EBF2: variants seen among roughly 807,000 people sequenced by gnomAD.
EBF2 encodes the protein EBF transcription factor 2.
EBF2 carries 21 observed loss-of-function variants against 72.8 expected under a neutral mutation model. The observed-to-expected ratio is 0.29, with a 90% CI of 0.20 to 0.42. The LOEUF is 0.42. EBF2 is among the 10% of genes least tolerant of loss of function. The pLI is 1.00. For synonymous variants in EBF2, 299 were observed against 274.2 expected (o/e 1.09, Z -0.89); for missense variants, 637 against 731.2 (o/e 0.87, Z 1.49).
intron 6 of EBF2, among the ~76,000 whole-genome samples, chr8:25,997,387 A>G (rs938154724): frequency 6.6e-6 from 1 of 152,162 alleles, no homozygotes; most frequent in Non-Finnish European, 1.5e-5. Context: ...CCTGGGCAAC[A>G]TAGCGAGACC....
intron 6 of EBF2, among the ~76,000 whole-genome samples, chr8:25,955,066 G>A (rs1282798290): frequency 6.6e-6 from 1 of 152,202 alleles, no homozygotes; most frequent in Non-Finnish European, 1.5e-5. Context: ...AGGAGGGCAC[G>A]GAGCGCATCC....
chr8:25,952,845 C>G (rs979997922), intron 6 of EBF2, among the ~76,000 whole-genome samples: 2 of 152,168 alleles, frequency 1.3e-5, no homozygotes, highest in Non-Finnish European at 2.9e-5. Flanking sequence ...TAGAATGAGG[C>G]TTTGGGGTTT....
At chr8:25,906,840 C>T (rs1803041719) in intron 7 of EBF2, among the ~76,000 whole-genome samples, 1 of 151,994 alleles carries the variant, frequency 6.6e-6, no homozygotes, top group Non-Finnish European at 1.5e-5. Context: ...AAAAAGTCTC[C>T]AACTTTTTAA....
chr8:25,843,289 G>A lies in EBF2; in HGVS notation c.*1320C>T, dbSNP rs1801769306. 6.6e-6 allele frequency: 1 copy of A among 152,178 alleles called. No homozygotes were observed. Among genetic ancestry groups the A allele is most frequent in the Non-Finnish European group, 1.5e-5 (1 of 68,050 alleles). 9.4% of individuals were successfully genotyped at this position (152,178 alleles called of 1,614,324 possible). ...CTCATTCTTGACTAGAAACTGTCGA[G>A]TGGCATAGCTATGTTTTTCAAGAGA... On this transcript the variant is annotated 3_prime_UTR_variant, in exon 16 of 16. Coordinates refer to ENST00000520164, the MANE Select transcript of EBF2 (RefSeq NM_022659.4).
intron 8 of EBF2, among the ~76,000 whole-genome samples, chr8:25,889,411 A>T (rs552245628): frequency 6.6e-6 from 1 of 152,168 alleles, no homozygotes; most frequent in Non-Finnish European, 1.5e-5. Flanking sequence ...TTAAGGGCAC[A>T]TGTGACACTT....
intron 6 of EBF2, among the ~76,000 whole-genome samples, chr8:25,980,227 T>C (rs918357717): frequency 6.6e-6 from 1 of 152,140 alleles, no homozygotes; most frequent in African/African-American, 2.4e-5. Context: ...CTGTTTTATT[T>C]TGAATTTTTG....
intron 15 of EBF2, 35 bp from the exon 16 acceptor site, chr8:25,844,675 G>A (rs751121693): frequency 2.5e-6 from 4 of 1,613,682 alleles, no homozygotes; most frequent in Non-Finnish European, 2.5e-6. Flanking sequence ...ATGAGACTTG[G>A]GGACTTTTTA....
intron 6 of EBF2, among the ~76,000 whole-genome samples, chr8:25,973,988 A>G (rs559698660): frequency 6.2e-4 from 94 of 152,276 alleles, no homozygotes; most frequent in African/African-American, 1.9e-3. Context: ...TAAGCTTTTC[A>G]TTTCTATTAG....
chr8:25,858,591 G>A (rs1314881857), intron 13 of EBF2, 87 bp from the exon 14 acceptor site: 2 of 1,305,526 alleles, frequency 1.5e-6, no homozygotes, highest in South Asian at 1.5e-5. Context: ...ATTGGCCCCA[G>A]ACTGCAGAAT....
chr8:25,974,934 G>A (rs962781570), intron 6 of EBF2, among the ~76,000 whole-genome samples: 3 of 152,086 alleles, frequency 2.0e-5, no homozygotes, highest in African/African-American at 7.2e-5. Flanking sequence ...TCAAGCTACC[G>A]GCTGCCCCGC....
At chr8:25,941,668 T>A (rs1037676080) in intron 6 of EBF2, among the ~76,000 whole-genome samples, 1 of 151,592 alleles carries the variant, frequency 6.6e-6, no homozygotes, top group South Asian at 2.1e-4. Flanking sequence ...TACGGAGGAG[T>A]GTGAAAGACA....
At chr8:25,948,412 G>A (rs1803806679) in intron 6 of EBF2, among the ~76,000 whole-genome samples, 1 of 152,192 alleles carries the variant, frequency 6.6e-6, no homozygotes, top group Non-Finnish European at 1.5e-5. Context: ...AAAGGAAGCA[G>A]AATAGCTCCT....
In EBF2 at chr8:25,886,841, C is replaced by A. The variant is rs1414125429; in HGVS notation, c.923G>T (p.Arg308Leu). Residue 308 changes from arginine to leucine, a missense_variant, in exon 10 of 16, where the codon CGG becomes CTG. Arg to Leu is a moderately radical substitution (Grantham distance 102, BLOSUM62 -2). This residue lies in a region of EBF2 where 204 missense variants were observed against 301.2 expected (regional missense o/e 0.68). Transcript: ENST00000520164. ...PHAIRVQTPPRHIPGVVEVTL... is the reference protein window; with the variant it reads ...PHAIRVQTPPLHIPGVVEVTL... Reference sequence around the variant, plus strand: ...CACCTCTACCACGCCTGGGATGTGCCGGGGAGGAGTCTGTACTCTGATGGC... The same window carrying A: ...CACCTCTACCACGCCTGGGATGTGCAGGGGAGGAGTCTGTACTCTGATGGC... 1 of 1,613,050 alleles carries A rather than the reference C, an allele frequency of 6.2e-7. No individual in the cohort carries two copies. Among genetic ancestry groups the A allele is most frequent in the Non-Finnish European group, 8.5e-7 (1 of 1,179,512 alleles).
intron 6 of EBF2, among the ~76,000 whole-genome samples, chr8:25,972,298 G>T (rs866049021): frequency 1.8e-4 from 27 of 152,270 alleles, no homozygotes; most frequent in Middle Eastern, 3.4e-3. Flanking sequence ...ACTAGGGATT[G>T]AGGGAGGCAC....
At chr8:25,914,262 T>G (rs1336527142) in intron 6 of EBF2, among the ~76,000 whole-genome samples, 1 of 152,202 alleles carries the variant, frequency 6.6e-6, no homozygotes, top group Non-Finnish European at 1.5e-5. Context: ...ACGGTGGTGT[T>G]CCAGTTGTAA....
intron 6 of EBF2, 26 bp from the exon 7 acceptor site, chr8:25,908,581 A>T (rs1585191524): frequency 2.8e-6 from 4 of 1,447,110 alleles, no homozygotes; most frequent in Non-Finnish European, 3.9e-6. Flanking sequence ...GATGTGTTAC[A>T]TTTTTCAGTA....
intron 5 of EBF2, 101 bp from the exon 6 acceptor site, chr8:26,033,254 G>C: frequency 8.7e-7 from 1 of 1,150,836 alleles, no homozygotes; most frequent in Non-Finnish European, 1.3e-6. Context: ...ACAGAGTCTG[G>C]CTCTGTCACC....
intron 10 of EBF2, among the ~76,000 whole-genome samples, chr8:25,879,422 G>A (rs1585272958): frequency 6.6e-6 from 1 of 152,144 alleles, no homozygotes; most frequent in African/African-American, 2.4e-5. Context: ...AAGTAGAATT[G>A]CTGGGTCAAA....
At chr8:25,866,576 AT>A (rs1179195309) in intron 10 of EBF2, among the ~76,000 whole-genome samples, 1 of 140,566 alleles carries the variant, frequency 7.1e-6, no homozygotes, top group Non-Finnish European at 1.5e-5. Context: ...TAATTTATAT[AT>A]ATAATAATTT....
Sources: allele counts gnomAD v4.1 joint callset (sites outside exome capture counted in the v4.1 genomes callset), GRCh38; gene constraint gnomAD v4.1.1; regional missense constraint gnomAD v4.1.1; transcripts MANE v1.5; gene names NCBI Gene and HGNC (gene_info 2026-07-23, HGNC 2026-07-21).